The following PTPRD variants were observed in gnomAD, a reference collection of about 807,000 sequenced individuals.
PTPRD encodes the protein receptor-type tyrosine-protein phosphatase delta.
PTPRD carries 34 observed loss-of-function variants against 214.5 expected under a neutral mutation model. The observed-to-expected ratio is 0.16, with a 90% CI of 0.12 to 0.21. The LOEUF is 0.21. Among genes scored for constraint, PTPRD ranks in the 10% least tolerant of loss-of-function variants. The pLI, the probability that PTPRD is intolerant of heterozygous loss-of-function variation, is 1.00. For missense variants in PTPRD, 2,545 were observed against 2,398.7 expected (o/e 1.06, Z -1.27); for synonymous variants, 1,128 against 845.7 (o/e 1.33, Z -5.79).
At chr9:10,354,498 G>A (rs1461407323) in intron 2 of PTPRD, among the ~76,000 whole-genome samples, 1 of 152,060 alleles carries the variant, frequency 6.6e-6, no homozygotes, top group Non-Finnish European at 1.5e-5. Flanking sequence ...ATGTGCACAA[G>A]ACAGTCACAT....
chr9:9,110,078 C>T (rs1210675994), intron 10 of PTPRD, among the ~76,000 whole-genome samples: 4 of 152,048 alleles, frequency 2.6e-5, no homozygotes, highest in Admixed American at 6.6e-5. Context: ...GCTCCTTTCA[C>T]AGAAAATGTT....
At chr9:9,156,499 A>T (rs892448908) in intron 10 of PTPRD, among the ~76,000 whole-genome samples, 5 of 151,870 alleles carry the variant, frequency 3.3e-5, no homozygotes, top group African/African-American at 1.2e-4. Context: ...CCTCAAACTT[A>T]AAAATAAATT....
intron 8 of PTPRD, among the ~76,000 whole-genome samples, chr9:9,434,769 C>G (rs4392953): frequency 0.38 from 57,460 of 150,806 alleles, 11,476 homozygotes; most frequent in Middle Eastern, 0.58. Flanking sequence ...GTCAGTTATG[C>G]ACATTTTATT....
intron 2 of PTPRD, among the ~76,000 whole-genome samples, chr9:10,467,450 C>A (rs920963193): frequency 1.3e-5 from 2 of 152,136 alleles, no homozygotes; most frequent in African/African-American, 4.8e-5. Flanking sequence ...TACACATGCA[C>A]TGCACCCTCC....
intron 9 of PTPRD, among the ~76,000 whole-genome samples, chr9:9,386,837 A>G (rs574587439): frequency 6.6e-6 from 1 of 152,204 alleles, no homozygotes; most frequent in East Asian, 1.9e-4. Context: ...GTACTCTGGT[A>G]TTTTATGAAA....
intron 11 of PTPRD, among the ~76,000 whole-genome samples, chr9:9,012,133 A>G (rs1049761230): frequency 6.6e-6 from 1 of 152,126 alleles, no homozygotes; most frequent in Non-Finnish European, 1.5e-5. Flanking sequence ...TGGAGCTGAG[A>G]GTAGCCTCTA....
chr9:9,563,979 C>T (rs1049654374), intron 8 of PTPRD, among the ~76,000 whole-genome samples: 4 of 152,092 alleles, frequency 2.6e-5, no homozygotes, highest in African/African-American at 4.8e-5. Flanking sequence ...AAGTAAAAGA[C>T]ATGTTGGCCT....
rs200637328 is a variant in PTPRD, at chr9:8,502,850, A to G, written c.1822+1411T>C. On this transcript the variant is annotated intron_variant, in intron 23 of 45. Transcript: ENST00000381196. ...CTATTCAATATGTATGTGTGTGTGT[A>G]TATATATATATATACACACACACAC... Among the ~76,000 whole-genome samples, 826 of 110,454 alleles carry G rather than the reference A, an allele frequency of 7.5e-3. 8 individuals are homozygous for G. Among genetic ancestry groups the G allele is most frequent in the African/African-American group, 0.028 (746 of 27,094 alleles). The allele number at this position is 110,454 out of a possible 152,430, so 72.5% of individuals were successfully genotyped here.
At chr9:8,579,021 T>C (rs1000105807) in intron 14 of PTPRD, among the ~76,000 whole-genome samples, 2 of 152,222 alleles carry the variant, frequency 1.3e-5, no homozygotes, top group Non-Finnish European at 2.9e-5. Flanking sequence ...GATATATTTT[T>C]ACCTCTGTAT....
chr9:10,098,288 A>C (rs2098513580), intron 3 of PTPRD, among the ~76,000 whole-genome samples: 1 of 149,268 alleles, frequency 6.7e-6, no homozygotes, highest in Non-Finnish European at 1.5e-5. Context: ...GTGGGAATTG[A>C]ACAATGAGAA....
At chr9:8,714,607 G>C (rs2098410298) in intron 12 of PTPRD, among the ~76,000 whole-genome samples, 1 of 152,122 alleles carries the variant, frequency 6.6e-6, no homozygotes, top group Admixed American at 6.5e-5. Flanking sequence ...GAACCTGCTA[G>C]TCAAGGTCCT....
chr9:10,411,616 C>T (rs1187510183), intron 2 of PTPRD, among the ~76,000 whole-genome samples: 1 of 151,540 alleles, frequency 6.6e-6, no homozygotes, highest in Non-Finnish European at 1.5e-5. Flanking sequence ...CTATATTGTG[C>T]CTGAATTTGC....
chr9:8,944,632 G>C (rs764905813), intron 11 of PTPRD, among the ~76,000 whole-genome samples: 67 of 152,196 alleles, frequency 4.4e-4, no homozygotes, highest in Middle Eastern at 3.4e-3. Flanking sequence ...ATTATATTAT[G>C]TGAAATAAGC....
chr9:10,262,023 C>A (rs2093729360), intron 3 of PTPRD, among the ~76,000 whole-genome samples: 1 of 151,820 alleles, frequency 6.6e-6, no homozygotes, highest in South Asian at 2.1e-4. Flanking sequence ...GCCCCACAAT[C>A]AAAGAGAGAA....
intron 11 of PTPRD, among the ~76,000 whole-genome samples, chr9:8,840,091 G>T (rs1053232734): frequency 6.6e-6 from 1 of 152,144 alleles, no homozygotes; most frequent in Non-Finnish European, 1.5e-5. Context: ...TGAAATAGAT[G>T]AATAAAAGTT....
intron 10 of PTPRD, among the ~76,000 whole-genome samples, chr9:9,019,883 T>A (rs920263547): frequency 1.3e-5 from 2 of 151,714 alleles, no homozygotes; most frequent in East Asian, 3.9e-4. Context: ...ACTTGTTCAC[T>A]TTTTTTTTCT....
chr9:10,354,967 A>G (rs1020130318), intron 2 of PTPRD, among the ~76,000 whole-genome samples: 1 of 152,186 alleles, frequency 6.6e-6, no homozygotes, highest in Admixed American at 6.5e-5. Context: ...TTTACATTGT[A>G]TTTGCTAAAT....
intron 5 of PTPRD, among the ~76,000 whole-genome samples, chr9:9,862,006 T>G (rs1565841998): frequency 6.6e-6 from 1 of 152,214 alleles, no homozygotes; most frequent in Non-Finnish European, 1.5e-5. Context: ...CATCACTGTC[T>G]GCATATATGT....
chr9:8,994,513 G>A (rs1354890015), intron 11 of PTPRD, among the ~76,000 whole-genome samples: 2 of 152,026 alleles, frequency 1.3e-5, no homozygotes, highest in African/African-American at 4.8e-5. Context: ...GAAACAAAGA[G>A]CAATAAATTT....
Sources: gnomAD v4.1 joint callset for allele counts (sites outside exome capture counted in the v4.1 genomes callset) on GRCh38, gnomAD v4.1.1 for gene constraint, MANE v1.5 for transcripts, NCBI Gene and HGNC (gene_info 2026-07-23, HGNC 2026-07-21) for gene names.